KCNU1: variants seen among roughly 807,000 people sequenced by gnomAD.
KCNU1 encodes the protein potassium calcium-activated channel subfamily U member 1.
A neutral mutation model predicts 126.8 loss-of-function variants in KCNU1; 93 were observed. The ratio of observed to expected loss-of-function variants is 0.73; its 90% CI spans 0.62 to 0.87. The LOEUF (loss-of-function observed/expected upper bound fraction) is 0.87. Among genes scored for constraint, KCNU1 ranks in the 40% least tolerant of loss-of-function variants. The probability of loss-of-function intolerance (pLI) is 0.00; values close to 1 mark genes in which losing one functional copy is unlikely to be tolerated. For synonymous variants in KCNU1, 523 were observed against 494.2 expected, an observed-to-expected ratio of 1.06 and a Z score of -0.77; for missense variants, 1,330 against 1,367.1, an observed-to-expected ratio of 0.97 and a Z score of 0.43.
chr8:36,929,047 A>G (rs1808617631), intron 24 of KCNU1: 1 of 698,074 alleles, frequency 1.4e-6, no homozygotes, highest in South Asian at 1.5e-5. Context: ...CTAAAAGGTA[A>G]GTATTGCCAT....
At chr8:36,858,942 T>C (rs1805630788) in intron 18 of KCNU1, among the ~76,000 whole-genome samples, 1 of 152,186 alleles carries the variant, frequency 6.6e-6, no homozygotes, top group Admixed American at 6.5e-5. Context: ...TCCTACCCTA[T>C]ACTGATCCCC....
intron 2 of KCNU1, among the ~76,000 whole-genome samples, chr8:36,799,880 T>C (rs1156855726): frequency 6.6e-6 from 1 of 152,008 alleles, no homozygotes; most frequent in East Asian, 1.9e-4. Flanking sequence ...AGGTTTTTGC[T>C]TGGTGGTTTT....
chr8:36,830,909 T>TC (rs1328339731), intron 10 of KCNU1, among the ~76,000 whole-genome samples: 2 of 67,544 alleles, frequency 3.0e-5, no homozygotes, highest in Non-Finnish European at 5.3e-5. Flanking sequence ...CCCTCCCCCC[T>TC]CCCCCCACCC....
intron 2 of KCNU1, among the ~76,000 whole-genome samples, chr8:36,797,319 CTTTAA>C (rs1482394875): frequency 2.6e-5 from 4 of 151,634 alleles, no homozygotes; most frequent in African/African-American, 4.9e-5. Flanking sequence ...TTTTTTATTA[CTTTAA>C]TTTATTTTTT....
chr8:36,794,397 A>AAT (rs1315489533), intron 2 of KCNU1, among the ~76,000 whole-genome samples: 4 of 152,030 alleles, frequency 2.6e-5, no homozygotes, highest in Non-Finnish European at 5.9e-5. Context: ...TACATACATA[A>AAT]ATATATATAT....
intron 1 of KCNU1, 43 bp downstream of exon 1, chr8:36,784,648 T>C (rs1356070355): frequency 6.8e-7 from 1 of 1,461,442 alleles, no homozygotes; most frequent in Non-Finnish European, 9.4e-7. Context: ...AAGTCAGAGA[T>C]GAGTTTGGGG....
At chr8:36,800,408 C>A (rs1181985337) in intron 2 of KCNU1, among the ~76,000 whole-genome samples, 1 of 152,124 alleles carries the variant, frequency 6.6e-6, no homozygotes, top group Non-Finnish European at 1.5e-5. Flanking sequence ...AAGGCTGGGG[C>A]CAGCAACTCT....
chr8:36,903,005 T>C (rs1807479190), intron 19 of KCNU1, among the ~76,000 whole-genome samples: 1 of 152,124 alleles, frequency 6.6e-6, no homozygotes, highest in Non-Finnish European at 1.5e-5. Context: ...CCACTAAGTT[T>C]ATAGGTAGTT....
At chr8:36,856,637 G>T (rs1479929281) in intron 18 of KCNU1, among the ~76,000 whole-genome samples, 1 of 152,096 alleles carries the variant, frequency 6.6e-6, no homozygotes, top group Admixed American at 6.5e-5. Flanking sequence ...TAAGCTCTCC[G>T]CTTCTGTTAG....
At chr8:36,855,048 A>G (rs1239003184) in intron 18 of KCNU1, among the ~76,000 whole-genome samples, 1 of 152,110 alleles carries the variant, frequency 6.6e-6, no homozygotes, top group East Asian at 1.9e-4. Context: ...TCAGCTGTAA[A>G]GTTGACAACT....
intron 10 of KCNU1, among the ~76,000 whole-genome samples, chr8:36,819,166 T>C (rs995179328): frequency 3.9e-5 from 6 of 152,140 alleles, no homozygotes; most frequent in African/African-American, 1.4e-4. Context: ...CTCCGATGCC[T>C]GCAAAAATTT....
intron 18 of KCNU1, among the ~76,000 whole-genome samples, chr8:36,858,659 C>A (rs1471929725): frequency 1.3e-5 from 2 of 152,112 alleles, no homozygotes; most frequent in African/African-American, 4.8e-5. Context: ...AAATAATCAT[C>A]CCTTTTTAGC....
At chr8:36,788,552 A>C (rs1802794268) in intron 2 of KCNU1, among the ~76,000 whole-genome samples, 1 of 152,236 alleles carries the variant, frequency 6.6e-6, no homozygotes, top group Non-Finnish European at 1.5e-5. Flanking sequence ...TATAACTAGC[A>C]AAAACATGGC....
intron 19 of KCNU1, among the ~76,000 whole-genome samples, chr8:36,878,889 A>G (rs1392606706): frequency 3.4e-5 from 5 of 147,756 alleles, no homozygotes; most frequent in African/African-American, 9.8e-5. Context: ...TAAATATATA[A>G]TACATTTTAA....
chr8:36,898,315 C>CAT (rs113485609), intron 19 of KCNU1, among the ~76,000 whole-genome samples: 6,181 of 152,044 alleles, frequency 0.041, 428 homozygotes, highest in African/African-American at 0.14. Context: ...TACATAAACA[C>CAT]GTGCACCTCA....
At chr8:36,817,336 A>T (rs1056164107) in intron 9 of KCNU1, among the ~76,000 whole-genome samples, 12 of 151,592 alleles carry the variant, frequency 7.9e-5, no homozygotes, top group African/African-American at 2.9e-4. Flanking sequence ...CCCATCTACT[A>T]AAAAAATACA....
At position 36,905,768 on chromosome 8, in the gene KCNU1, C is replaced by T. The variant is rs1807601400; in HGVS notation, c.2070C>T (p.His690=). 6.3e-7 allele frequency: 1 copy of T among 1,598,682 alleles called. No homozygotes were observed. Among genetic ancestry groups the T allele is most frequent in the Non-Finnish European group, 8.5e-7 (1 of 1,170,182 alleles). ...SDQLDSSGMF[H]WCKPTSLDKV... ...AGCTTGATAGCAGTGGGATGTTTCACTGGTGCAAACCAACCTCTTTGGACA... is the reference window on the plus strand; with the variant it reads ...AGCTTGATAGCAGTGGGATGTTTCATTGGTGCAAACCAACCTCTTTGGACA... Residue 690 remains histidine (H), a synonymous_variant, in exon 20 of 27, where the codon CAC becomes CAT. Coordinates refer to ENST00000399881, the MANE Select transcript of KCNU1 (RefSeq NM_001031836.3).
Position 36,922,579 on chromosome 8 carries a change from T to C in KCNU1, c.2686T>C (p.Ser896Pro). Residue 896 changes from serine (S) to proline (P), a missense_variant, in exon 24 of 27, where the codon TCT becomes CCT. Physicochemically the swap from Ser to Pro is moderately conservative, Grantham distance 74. Around this residue, in one of 3 missense-constraint regions of KCNU1, gnomAD observed 1,054 missense variants for 1,053.9 expected, o/e 1.00. Transcript: ENST00000399881. ...ETNLHLSTAF[S>P]TGTVFSGSFL... Reference sequence around the variant, plus strand: ...AAATCTGCATCTCAGCACTGCCTTTTCTACGGGCACTGTTTTTTCCGGCAG... The same window carrying C: ...AAATCTGCATCTCAGCACTGCCTTTCCTACGGGCACTGTTTTTTCCGGCAG... 6.2e-7 allele frequency: 1 copy of C among 1,613,742 alleles called. No individual in the cohort carries two copies. Among genetic ancestry groups the C allele is most frequent in the Non-Finnish European group, 8.5e-7 (1 of 1,179,766 alleles).
chr8:36,824,811 T>G (rs1804256010), intron 10 of KCNU1, among the ~76,000 whole-genome samples: 1 of 152,202 alleles, frequency 6.6e-6, no homozygotes, highest in African/African-American at 2.4e-5. Context: ...CAACTGGAAA[T>G]AGTTGTATAA....
Sources: gnomAD v4.1 joint callset for allele counts (sites outside exome capture counted in the v4.1 genomes callset) on GRCh38, gnomAD v4.1.1 for gene constraint, gnomAD v4.1.1 regional missense constraint, MANE v1.5 for transcripts, NCBI Gene and HGNC (gene_info 2026-07-23, HGNC 2026-07-21) for gene names.